CLDN10: variants seen among roughly 807,000 people sequenced by gnomAD.
CLDN10 encodes claudin-10.
Under a neutral mutation model 22.9 loss-of-function variants are expected in CLDN10, and 15 were observed. The ratio of observed to expected loss-of-function variants is 0.65; its 90% CI spans 0.44 to 1.01. CLDN10 has a LOEUF of 1.01. CLDN10 is among the 50% of genes least tolerant of loss of function. The pLI, the probability that CLDN10 is intolerant of heterozygous loss-of-function variation, is 0.00. For synonymous variants in CLDN10, 114 were observed against 111.4 expected, an observed-to-expected ratio of 1.02 and a Z score of -0.15; for missense variants, 247 against 287.8, an observed-to-expected ratio of 0.86 and a Z score of 1.03.
rs139882976 is a variant in CLDN10, at chr13:95,555,100, G to C, written c.220+2127G>C. On this transcript the variant is annotated intron_variant, in intron 1 of 4. Transcript: ENST00000299339. ...AGTTTTGCTCTTGTTGCCTAGGCTG[G>C]AGTGCAGTGGCACAATCTCAGCCGA... 5.3e-3 allele frequency among the ~76,000 whole-genome samples: 776 copies of C among 145,996 alleles called. 10 individuals are homozygous for C. The highest frequency in any genetic ancestry group is 0.019 in the African/African-American group (738 of 39,516).
intron 1 of CLDN10, among the ~76,000 whole-genome samples, chr13:95,470,991 C>G (rs1372584676): frequency 6.6e-6 from 1 of 152,116 alleles, no homozygotes; most frequent in Non-Finnish European, 1.5e-5. Context: ...ACAGTTCCTG[C>G]TCTTCCAGGC....
intron 1 of CLDN10, among the ~76,000 whole-genome samples, chr13:95,505,941 G>C (rs540612846): frequency 1.3e-5 from 2 of 152,098 alleles, no homozygotes; most frequent in East Asian, 3.9e-4. Flanking sequence ...GGTTTCACCA[G>C]GTTGGCCAGG....
chr13:95,489,936 G>T (rs1245200643), intron 1 of CLDN10, among the ~76,000 whole-genome samples: 1 of 152,130 alleles, frequency 6.6e-6, no homozygotes, highest in Non-Finnish European at 1.5e-5. Context: ...CCTACATGTG[G>T]CTAGCCAATT....
intron 1 of CLDN10, among the ~76,000 whole-genome samples, chr13:95,442,180 G>T (rs1438288925): frequency 6.6e-6 from 1 of 152,058 alleles, no homozygotes; most frequent in Non-Finnish European, 1.5e-5. Context: ...AATAACACAG[G>T]CAAAGTGTCT....
chr13:95,552,926 C>T lies in CLDN10; in HGVS notation c.173C>T (p.Thr58Met), dbSNP rs1174310338. The change falls in exon 1 of 5, where the codon ACG (threonine) becomes ATG (methionine). Residue 58 changes from threonine (T) to methionine (M), a missense_variant. Physicochemically the swap from Thr to Met is moderately conservative, Grantham distance 81. Coordinates refer to ENST00000299339, the MANE Select transcript of CLDN10 (RefSeq NM_006984.5). ...NLWKACVTDS[T>M]GVSNCKDFPS... is the part of the protein sequence containing the mutation. ...TGGAAGGCGTGCGTTACCGACTCCACGGGCGTCTCCAACTGCAAGGACTTC... is the reference window on the plus strand; with the variant it reads ...TGGAAGGCGTGCGTTACCGACTCCATGGGCGTCTCCAACTGCAAGGACTTC... 6.2e-7 allele frequency: 1 copy of T among 1,614,098 alleles called. No individual in the cohort carries two copies. Among genetic ancestry groups the T allele is most frequent in the Non-Finnish European group, 8.5e-7 (1 of 1,179,992 alleles).
At chr13:95,489,619 C>T (rs573736468) in intron 1 of CLDN10, among the ~76,000 whole-genome samples, 71 of 151,992 alleles carry the variant, frequency 4.7e-4, no homozygotes, top group Non-Finnish European at 6.5e-4. Flanking sequence ...GGATATTAGT[C>T]CTTTGTCAGA....
chr13:95,535,511 G>A (rs1447608709), intron 1 of CLDN10, among the ~76,000 whole-genome samples: 3 of 151,082 alleles, frequency 2.0e-5, no homozygotes, highest in Non-Finnish European at 2.9e-5. Context: ...GGCAGACTGA[G>A]TGGGTAGACA....
intron 1 of CLDN10, among the ~76,000 whole-genome samples, chr13:95,507,418 T>G (rs2138552688): frequency 6.6e-6 from 1 of 152,330 alleles, no homozygotes; most frequent in Non-Finnish European, 1.5e-5. Flanking sequence ...CCTCTGAGTT[T>G]CAACTCCTTT....
intron 1 of CLDN10, among the ~76,000 whole-genome samples, chr13:95,543,841 A>G (rs1035065643): frequency 2.6e-5 from 4 of 152,094 alleles, no homozygotes; most frequent in Admixed American, 2.6e-4. Flanking sequence ...CGATTGTAAA[A>G]GACAAAAAAG....
chr13:95,454,580 CAA>C (rs1242463848), intron 1 of CLDN10, among the ~76,000 whole-genome samples: 2 of 152,268 alleles, frequency 1.3e-5, no homozygotes, highest in East Asian at 3.9e-4. Flanking sequence ...GGGCGGGAAG[CAA>C]AGTGTCCTTT....
At chr13:95,465,030 CT>C (rs2042570772) in intron 1 of CLDN10, among the ~76,000 whole-genome samples, 1 of 152,126 alleles carries the variant, frequency 6.6e-6, no homozygotes, top group South Asian at 2.1e-4. Flanking sequence ...TTTCACACTG[CT>C]GATAAAGGCA....
chr13:95,577,974 C>T lies in CLDN10; in HGVS notation c.647C>T (p.Thr216Ile), dbSNP rs770275394. 1.1e-5 allele frequency: 18 copies of T among 1,613,262 alleles called. 1 individual carries two copies. In the Admixed American group the frequency reaches 1.2e-4, roughly 10 times the overall value. Residue 216 changes from threonine (T) to isoleucine (I), a missense_variant, in exon 5 of 5, where the codon ACA (threonine) becomes ATA (isoleucine). Physicochemically the swap from Thr to Ile is moderately conservative, Grantham distance 89. Coordinates refer to ENST00000299339, the MANE Select transcript of CLDN10 (RefSeq NM_006984.5). ...KYHGGEDFKT[T>I]NPSKQFDKNA... is the part of the protein sequence containing the mutation. ...CATGGTGGAGAAGATTTTAAAACAA[C>T]AAACCCTTCAAAACAGTTTGATAAA...
In CLDN10 at chr13:95,578,170, A is replaced by G. The variant is rs2043964029; in HGVS notation, c.*156A>G. On this transcript the variant is annotated 3_prime_UTR_variant, in exon 5 of 5. Transcript: ENST00000299339. ...ATTGTATGGATGTAAGTGTTCTTAC[A>G]TAGTTAGTTATATACTAATCATTTT... The G allele has an allele frequency of 1.9e-6, 1 of 532,690 alleles. No homozygotes were observed. The highest frequency in any genetic ancestry group is 3.4e-6 in the Non-Finnish European group (1 of 298,362). The allele number at this position is 532,690 out of a possible 1,614,324, so 33.0% of individuals were successfully genotyped here.
intron 1 of CLDN10, among the ~76,000 whole-genome samples, chr13:95,490,187 G>A (rs879843329): frequency 2.6e-5 from 4 of 152,190 alleles, no homozygotes; most frequent in Admixed American, 1.3e-4. Flanking sequence ...CTTAGTCCTG[G>A]TTTGGCTATG....
At chr13:95,547,458 A>G (rs888491899) in intron 1 of CLDN10, among the ~76,000 whole-genome samples, 1 of 152,204 alleles carries the variant, frequency 6.6e-6, no homozygotes, top group African/African-American at 2.4e-5. Context: ...ATGTAATTGT[A>G]TCTCTTTAAA....
chr13:95,545,310 A>G (rs7323257), intron 1 of CLDN10, among the ~76,000 whole-genome samples: 126,399 of 151,646 alleles, frequency 0.83, 52,830 homozygotes, highest in East Asian at 0.94. Context: ...TTGGGAGGCC[A>G]AGGCAGGCAG....
At chr13:95,501,757 T>C (rs2042988013) in intron 1 of CLDN10, among the ~76,000 whole-genome samples, 1 of 152,244 alleles carries the variant, frequency 6.6e-6, no homozygotes, top group South Asian at 2.1e-4. Flanking sequence ...TGCCTTTATT[T>C]GAAATGTTTG....
intron 3 of CLDN10, among the ~76,000 whole-genome samples, chr13:95,573,565 CAG>C (rs1333659908): frequency 1.2e-5 from 1 of 84,938 alleles, no homozygotes; most frequent in Non-Finnish European, 3.5e-5. Context: ...GATTTCCAGA[CAG>C]AGACTAAATA....
At chr13:95,526,424 A>G (rs1022878602) in intron 1 of CLDN10, among the ~76,000 whole-genome samples, 4 of 152,132 alleles carry the variant, frequency 2.6e-5, no homozygotes, top group African/African-American at 9.7e-5. Flanking sequence ...GTAATGAGCC[A>G]TTTTACTAGG....
Sources: allele counts gnomAD v4.1 joint callset (sites outside exome capture counted in the v4.1 genomes callset), GRCh38; gene constraint gnomAD v4.1.1; transcripts MANE v1.5; gene names NCBI Gene and HGNC (gene_info 2026-07-23, HGNC 2026-07-21).